The following KATNAL1 variants were observed in gnomAD, a reference collection of about 807,000 sequenced individuals.
KATNAL1 encodes the protein katanin catalytic subunit A1 like 1.
KATNAL1 carries 32 observed loss-of-function variants against 55.2 expected under a neutral mutation model. That is an observed-to-expected ratio of 0.58 (90% CI 0.44 to 0.78). The LOEUF is 0.78. Ranked by LOEUF, KATNAL1 falls within the 30% of genes least tolerant of loss-of-function variation. The pLI is 0.00. For missense variants in KATNAL1, 466 were observed against 600.9 expected, an observed-to-expected ratio of 0.78 and a Z score of 2.35; for synonymous variants, 193 against 193.6, an observed-to-expected ratio of 1.00 and a Z score of 0.02.
At chr13:30,228,492 AT>A (rs1875740825) in intron 8 of KATNAL1, among the ~76,000 whole-genome samples, 1 of 152,242 alleles carries the variant, frequency 6.6e-6, no homozygotes, top group Non-Finnish European at 1.5e-5. Flanking sequence ...AGTCACAAAT[AT>A]CCCTCAATGA....
intron 3 of KATNAL1, among the ~76,000 whole-genome samples, chr13:30,272,257 G>A (rs924281308): frequency 1.3e-5 from 2 of 152,178 alleles, no homozygotes; most frequent in African/African-American, 4.8e-5. Flanking sequence ...AATTAGCCAG[G>A]TGTGGTGGCT....
chr13:30,296,670 C>A, intron 1 of KATNAL1: 1 of 660,420 alleles, frequency 1.5e-6, no homozygotes, highest in Non-Finnish European at 2.9e-6. Context: ...TGGCTGGAAG[C>A]TTGGCAGTGA....
intron 3 of KATNAL1, among the ~76,000 whole-genome samples, chr13:30,278,405 T>A (rs1485371775): frequency 1.3e-5 from 2 of 152,194 alleles, no homozygotes; most frequent in Non-Finnish European, 2.9e-5. Context: ...GAAAAGGGAT[T>A]TAAAAACAAG....
intron 3 of KATNAL1, among the ~76,000 whole-genome samples, chr13:30,267,977 G>T (rs1395663454): frequency 6.6e-6 from 1 of 152,188 alleles, no homozygotes; most frequent in Admixed American, 6.5e-5. Flanking sequence ...CTTGGTAAAA[G>T]CGTAGAATTT....
chr13:30,214,718 A>G (rs535457215), intron 9 of KATNAL1, among the ~76,000 whole-genome samples: 1 of 152,188 alleles, frequency 6.6e-6, no homozygotes, highest in South Asian at 2.1e-4. Context: ...CTTGCTAGCC[A>G]TATGTAGAAA....
intron 4 of KATNAL1, among the ~76,000 whole-genome samples, chr13:30,249,530 C>T (rs1878106408): frequency 6.6e-6 from 1 of 152,276 alleles, no homozygotes; most frequent in East Asian, 1.9e-4. Flanking sequence ...CAGATTTTAA[C>T]TGTGATATAC....
Position 30,205,924 on chromosome 13 carries a change from TAGTGTGTGTG to T in KATNAL1, c.*2606_*2615del, listed in dbSNP as rs1873097342. ...TAAGGCAACACACTGTCTTCTGAAA[TAGTGTGTGTG>T]TGTGTGTGTGTGTGTGTGTGTGTGT... On this transcript the variant is annotated 3_prime_UTR_variant, in exon 11 of 11. Coordinates refer to ENST00000380615, the MANE Select transcript of KATNAL1 (RefSeq NM_032116.5). 2.1e-5 allele frequency: 2 copies of T among 96,268 alleles called. No homozygotes were observed. The highest frequency in any genetic ancestry group is 7.7e-5 in the African/African-American group (2 of 25,870). 6.0% of individuals were successfully genotyped at this position (96,268 alleles called of 1,614,324 possible).
At chr13:30,229,158 C>A (rs1389622804) in intron 8 of KATNAL1, among the ~76,000 whole-genome samples, 1 of 152,076 alleles carries the variant, frequency 6.6e-6, no homozygotes, top group East Asian at 1.9e-4. Flanking sequence ...CAGCTCTGAG[C>A]CCATAACCCT....
At chr13:30,255,683 T>C (rs1227349093) in intron 3 of KATNAL1, 68 bp from the exon 4 acceptor site, 5 of 1,277,536 alleles carry the variant, frequency 3.9e-6, no homozygotes, top group Non-Finnish European at 5.0e-6. Flanking sequence ...AGTATGTCAA[T>C]ACTATCTTAG....
chr13:30,296,558 G>T (rs1882509086), intron 1 of KATNAL1: 1 of 734,682 alleles, frequency 1.4e-6, no homozygotes, highest in Non-Finnish European at 2.6e-6. Context: ...TCCTTTGCCA[G>T]ATCACTGTTA....
At chr13:30,244,245 G>A (rs1052992433) in intron 4 of KATNAL1, among the ~76,000 whole-genome samples, 2 of 152,046 alleles carry the variant, frequency 1.3e-5, no homozygotes, top group Non-Finnish European at 2.9e-5. Flanking sequence ...CCATGTCCCT[G>A]CAAAGGACAT....
At chr13:30,244,388 T>C (rs1035931914) in intron 4 of KATNAL1, among the ~76,000 whole-genome samples, 18 of 152,202 alleles carry the variant, frequency 1.2e-4, no homozygotes, top group African/African-American at 4.1e-4. Flanking sequence ...GCAATAAACA[T>C]ACGTGTACAT....
rs558803747 is a variant in KATNAL1, at chr13:30,261,114, A to T, written c.324-5499T>A. Among the ~76,000 whole-genome samples, 180 of 152,262 alleles carry T rather than the reference A, an allele frequency of 1.2e-3. 1 individual carries two copies. Among genetic ancestry groups the T allele is most frequent in the African/African-American group, 4.1e-3 (172 of 41,524 alleles). On this transcript the variant is annotated intron_variant, in intron 3 of 10. Coordinates refer to ENST00000380615, the MANE Select transcript of KATNAL1 (RefSeq NM_032116.5). ...TCAACCCAGAATTTCATATCCAGCC[A>T]AACTAAGCTTCATAGTGAGGGAGAA... is the stretch of plus-strand genomic sequence containing the variant.
At chr13:30,278,221 T>C (rs962971020) in intron 3 of KATNAL1, among the ~76,000 whole-genome samples, 14 of 151,834 alleles carry the variant, frequency 9.2e-5, no homozygotes, top group Admixed American at 2.0e-4. Context: ...TCTTTTTTTT[T>C]CCAGACAATA....
In KATNAL1 at chr13:30,246,323, G is replaced by A. The variant is rs143855576; in HGVS notation, c.493-5237C>T. Among the ~76,000 whole-genome samples, 255 of 152,262 alleles carry A rather than the reference G, an allele frequency of 1.7e-3. 1 individual carries two copies. The highest frequency in any genetic ancestry group is 5.6e-3 in the African/African-American group (232 of 41,536). On this transcript the variant is annotated intron_variant, in intron 4 of 10. Coordinates refer to ENST00000380615, the MANE Select transcript of KATNAL1 (RefSeq NM_032116.5). ...ATTCCCTATTTAATAGACGGTGTTGGGAAAATTGGCTAGCCATATGCAGAA... is the reference window on the plus strand; with the variant it reads ...ATTCCCTATTTAATAGACGGTGTTGAGAAAATTGGCTAGCCATATGCAGAA...
chr13:30,250,549 A>G (rs557054615), intron 4 of KATNAL1, among the ~76,000 whole-genome samples: 1 of 152,256 alleles, frequency 6.6e-6, no homozygotes, highest in South Asian at 2.1e-4. Flanking sequence ...GTCACTGTTC[A>G]TTTGTATAAT....
intron 9 of KATNAL1, among the ~76,000 whole-genome samples, chr13:30,225,795 A>G (rs765643814): frequency 6.6e-6 from 1 of 152,122 alleles, no homozygotes; most frequent in Admixed American, 6.5e-5. Context: ...AAAAAGTACT[A>G]TTCATTAAAA....
At chr13:30,216,015 A>G (rs1874191914) in intron 9 of KATNAL1, among the ~76,000 whole-genome samples, 1 of 152,232 alleles carries the variant, frequency 6.6e-6, no homozygotes, top group African/African-American at 2.4e-5. Context: ...TAGCAAACGA[A>G]TATGACAGAA....
chr13:30,219,350 C>T (rs539337085), intron 9 of KATNAL1, among the ~76,000 whole-genome samples: 3 of 152,266 alleles, frequency 2.0e-5, no homozygotes, highest in East Asian at 1.9e-4. Flanking sequence ...CCCATGGCTT[C>T]GATTCTACTT....
Sources: allele counts gnomAD v4.1 joint callset (sites outside exome capture counted in the v4.1 genomes callset), GRCh38; gene constraint gnomAD v4.1.1; transcripts MANE v1.5; gene names NCBI Gene and HGNC (gene_info 2026-07-23, HGNC 2026-07-21).